Variants in CNTN4 observed in about 807,000 individuals in gnomAD.
CNTN4 encodes contactin 4.
Under a neutral mutation model 122.5 loss-of-function variants are expected in CNTN4, and 77 were observed. That is an observed-to-expected ratio of 0.63 (90% confidence interval 0.52 to 0.76). The LOEUF (loss-of-function observed/expected upper bound fraction) is 0.76. Ranked by LOEUF, CNTN4 falls within the 30% of genes least tolerant of loss-of-function variation. The pLI, the probability that CNTN4 is intolerant of heterozygous loss-of-function variation, is 0.00. For missense variants in CNTN4, 1,256 were observed against 1,259.1 expected (o/e 1.00, Z 0.04); for synonymous variants, 512 against 447.0 (o/e 1.15, Z -1.83).
chr3:2,732,182 T>G (rs546249485), intron 4 of CNTN4, among the ~76,000 whole-genome samples: 1 of 152,180 alleles, frequency 6.6e-6, no homozygotes, highest in Non-Finnish European at 1.5e-5. Context: ...TGTTGGCCGA[T>G]GTTCTGTTCT....
chr3:2,333,029 C>G (rs2043800334), intron 2 of CNTN4, among the ~76,000 whole-genome samples: 1 of 152,102 alleles, frequency 6.6e-6, no homozygotes, highest in African/African-American at 2.4e-5. Context: ...CCTGGGATGT[C>G]CTATAGACTG....
chr3:2,521,813 A>AGAT (rs146802640), intron 3 of CNTN4, among the ~76,000 whole-genome samples: 1,830 of 152,252 alleles, frequency 0.012, 12 homozygotes, highest in Non-Finnish European at 0.016. Context: ...GTTACAGAGT[A>AGAT]GATGACAGCT....
intron 6 of CNTN4, among the ~76,000 whole-genome samples, chr3:2,814,140 G>A (rs2092675817): frequency 6.6e-6 from 1 of 152,160 alleles, no homozygotes; most frequent in Non-Finnish European, 1.5e-5. Context: ...CTTAGCACAT[G>A]GCTGTTGGAA....
intron 6 of CNTN4, among the ~76,000 whole-genome samples, chr3:2,800,884 A>G (rs1022578423): frequency 6.6e-6 from 1 of 152,080 alleles, no homozygotes; most frequent in Non-Finnish European, 1.5e-5. Flanking sequence ...ATCTGGCTAA[A>G]CCCCTTGCCA....
chr3:2,991,264 A>G (rs1396486943), intron 14 of CNTN4, among the ~76,000 whole-genome samples: 1 of 152,194 alleles, frequency 6.6e-6, no homozygotes, highest in Non-Finnish European at 1.5e-5. Flanking sequence ...CTGGCCCAGT[A>G]CAAAAAGAGG....
intron 6 of CNTN4, among the ~76,000 whole-genome samples, chr3:2,779,023 T>A (rs2091460902): frequency 6.6e-6 from 1 of 152,222 alleles, no homozygotes; most frequent in African/African-American, 2.4e-5. Context: ...TGCCCCATAG[T>A]AGCATTTATT....
intron 2 of CNTN4, among the ~76,000 whole-genome samples, chr3:2,335,010 G>A (rs1040198423): frequency 6.6e-5 from 10 of 152,294 alleles, no homozygotes; most frequent in African/African-American, 2.4e-4. Context: ...GCCAGCTGCT[G>A]CATCTAACTA....
At chr3:2,795,832 C>T (rs2092159726) in intron 6 of CNTN4, among the ~76,000 whole-genome samples, 1 of 152,100 alleles carries the variant, frequency 6.6e-6, no homozygotes, top group Admixed American at 6.6e-5. Context: ...AAATGGGTAT[C>T]TTTTGATTCA....
chr3:2,570,391 G>T (rs192251981), intron 3 of CNTN4, among the ~76,000 whole-genome samples: 1 of 152,166 alleles, frequency 6.6e-6, no homozygotes, highest in East Asian at 1.9e-4. Flanking sequence ...TGCCCAGGCT[G>T]GTCTTGAACT....
At chr3:2,482,431 G>GA (rs376965633) in intron 3 of CNTN4, among the ~76,000 whole-genome samples, 5,673 of 144,146 alleles carry the variant, frequency 0.039, 368 homozygotes, top group African/African-American at 0.13. Flanking sequence ...TGATGTGATA[G>GA]AAAAAAAAAA....
intron 3 of CNTN4, among the ~76,000 whole-genome samples, chr3:2,447,577 A>G (rs1428794300): frequency 6.6e-6 from 1 of 152,126 alleles, no homozygotes; most frequent in Non-Finnish European, 1.5e-5. Flanking sequence ...CAAGACCTGT[A>G]AGAATATAGG....
intron 3 of CNTN4, among the ~76,000 whole-genome samples, chr3:2,367,786 C>T (rs2045455493): frequency 1.3e-5 from 2 of 152,034 alleles, no homozygotes; most frequent in African/African-American, 4.8e-5. Context: ...CACCTAGCAT[C>T]TTTTTAACAC....
chr3:2,107,097 G>A (rs1189812318), intron 2 of CNTN4, among the ~76,000 whole-genome samples: 1 of 152,140 alleles, frequency 6.6e-6, no homozygotes, highest in African/African-American at 2.4e-5. Flanking sequence ...TTTCTTCTGA[G>A]TCCTCCAAGT....
chr3:2,705,176 G>A (rs957236043), intron 4 of CNTN4, among the ~76,000 whole-genome samples: 2 of 151,032 alleles, frequency 1.3e-5, no homozygotes, highest in Admixed American at 1.3e-4. Context: ...AGACCATCCT[G>A]GCTAACATGG....
At chr3:2,172,997 A>G (rs975057510) in intron 2 of CNTN4, among the ~76,000 whole-genome samples, 3 of 152,232 alleles carry the variant, frequency 2.0e-5, no homozygotes, top group African/African-American at 7.2e-5. Flanking sequence ...AACAACTATC[A>G]GTGATCTGCA....
chr3:2,922,608 A>ATTT (rs547782541), intron 12 of CNTN4, among the ~76,000 whole-genome samples: 27,400 of 109,750 alleles, frequency 0.25, 4,380 homozygotes, highest in Non-Finnish European at 0.34. Context: ...AAAGAACTTG[A>ATTT]TTTTTTTTTT....
chr3:2,115,733 A>G (rs1352404780), intron 2 of CNTN4, among the ~76,000 whole-genome samples: 4 of 152,228 alleles, frequency 2.6e-5, no homozygotes, highest in Admixed American at 6.5e-5. Context: ...CATTTCATAC[A>G]ACCGCAGCTG....
At position 3,043,692 on chromosome 3, in the gene CNTN4, A is replaced by G. The variant is rs1221954281; in HGVS notation, c.2799A>G (p.Val933=). ...QVKALDNESE[V]KGYKVLYRWN... is the part of the protein sequence containing the mutation. ...AGGCCCTGGATAATGAGTCGGAAGT[A>G]AAAGGATACAAAGTAGGTAATTTCT... The change falls in exon 23 of 25, where the codon GTA becomes GTG. Residue 933 remains valine (V), a synonymous_variant. Coordinates refer to ENST00000418658, the MANE Select transcript of CNTN4 (RefSeq NM_175607.3). The G allele has an allele frequency of 3.7e-6, 6 of 1,609,924 alleles. No individual in the cohort carries two copies. The African/African-American group carries it at 8.0e-5, about 22-fold the overall frequency.
chr3:2,285,605 C>T (rs1474432036), intron 2 of CNTN4, among the ~76,000 whole-genome samples: 1 of 152,140 alleles, frequency 6.6e-6, no homozygotes, highest in East Asian at 1.9e-4. Flanking sequence ...ATCGTTTCTT[C>T]TCCTACCCCT....
Sources: gnomAD v4.1 joint callset for allele counts (sites outside exome capture counted in the v4.1 genomes callset) on GRCh38, gnomAD v4.1.1 for gene constraint, MANE v1.5 for transcripts, NCBI Gene and HGNC (gene_info 2026-07-23, HGNC 2026-07-21) for gene names.